PMEL: variants seen among roughly 807,000 people sequenced by gnomAD.
The protein encoded by PMEL is premelanosome protein, also known as melanocyte protein PMEL.
Under a neutral mutation model 64.9 loss-of-function variants are expected in PMEL, and 53 were observed. The ratio of observed to expected loss-of-function variants is 0.82; its 90% confidence interval spans 0.66 to 1.03. The LOEUF (loss-of-function observed/expected upper bound fraction) is 1.03, where lower values mean the gene tolerates loss of function less well. PMEL is among the 50% of genes least tolerant of loss of function. The pLI is 0.00. For missense variants in PMEL, 716 were observed against 814.9 expected, an observed-to-expected ratio of 0.88 and a Z score of 1.48; for synonymous variants, 299 against 316.2, an observed-to-expected ratio of 0.95 and a Z score of 0.58.
intron 3 of PMEL, 49 bp downstream of exon 3, chr12:55,961,268 A>G (rs1889092148): frequency 1.3e-6 from 2 of 1,576,818 alleles, no homozygotes; most frequent in Non-Finnish European, 1.7e-6. Context: ...TGGGCATACC[A>G]GGGAACCTGA....
In PMEL at chr12:55,954,181, C is replaced by G; in HGVS notation, c.*33G>C. 1.3e-6 allele frequency: 2 copies of G among 1,573,528 alleles called. No homozygotes were observed. The highest frequency in any genetic ancestry group is 1.7e-6 in the Non-Finnish European group (2 of 1,161,010). On this transcript the variant is annotated 3_prime_UTR_variant, in exon 11 of 11. Transcript: ENST00000548747. Reference sequence around the variant, plus strand: ...GGGGAAATATAGGTGTTTCTGTCAACTCCAGGAAAATCACAGCATCATATG... The same window carrying G: ...GGGGAAATATAGGTGTTTCTGTCAAGTCCAGGAAAATCACAGCATCATATG...
Position 55,957,895 on chromosome 12 carries a change from C to T in PMEL, c.631+28G>A, listed in dbSNP as rs185754880. On this transcript the variant is annotated intron_variant, in intron 5 of 10. Coordinates refer to ENST00000548747, the MANE Select transcript of PMEL (RefSeq NM_001384361.1). ...CTCCCTGCCTTCTCTTGCCCTACAACTGGCCTTGCCCCTTCCTAAACCCTT... is the reference window on the plus strand; with the variant it reads ...CTCCCTGCCTTCTCTTGCCCTACAATTGGCCTTGCCCCTTCCTAAACCCTT... 4.4e-4 allele frequency: 708 copies of T among 1,612,094 alleles called. 12 individuals carry two copies. The Admixed American group carries it at 0.011, about 26-fold the overall frequency.
intron 3 of PMEL, among the ~76,000 whole-genome samples, chr12:55,960,980 G>A (rs888977889): frequency 1.3e-5 from 2 of 150,554 alleles, no homozygotes; most frequent in African/African-American, 4.9e-5. Context: ...GAGGCGGGCG[G>A]ATCACAAGGT....
rs771107791 is a variant in PMEL at position 55,957,472 on chromosome 12, A to G, written c.831T>C (p.Thr277=). Residue 277 remains threonine, a synonymous_variant, in exon 6 of 11, where the codon ACT becomes ACC. Coordinates refer to ENST00000548747, the MANE Select transcript of PMEL (RefSeq NM_001384361.1). ...CTGGGCCAGGCTCCAGGTAAGTATG[A>G]GTGACCACAAGTGCCCGAGAGATCA... ...GTLISRALVV[T]HTYLEPGPVT... is the part of the protein sequence containing the mutation. 11 of 1,613,850 alleles carry G rather than the reference A, an allele frequency of 6.8e-6. No individual in the cohort carries two copies. The highest frequency in any genetic ancestry group is 8.5e-6 in the Non-Finnish European group (10 of 1,179,982).
chr12:55,959,386 AAAATAAAT>A (rs200660768), intron 3 of PMEL, among the ~76,000 whole-genome samples: 7 of 149,998 alleles, frequency 4.7e-5, no homozygotes, highest in Non-Finnish European at 7.4e-5. Flanking sequence ...CCCCGACTTT[AAAATAAAT>A]AAATAAATAA....
At position 55,955,682 on chromosome 12, in the gene PMEL, T is replaced by C; in HGVS notation, c.1557-13A>G. ...TTCCTTGGGCAGCCTGGAAGAAGTG[T>C]CAGCATATATAAGGGGATCTGGGAA... On this transcript the variant is annotated splice_polypyrimidine_tract_variant and intron_variant, in intron 8 of 10. Transcript: ENST00000548747. 1 of 1,612,148 alleles carries C rather than the reference T, an allele frequency of 6.2e-7. No individual in the cohort carries two copies.
intron 3 of PMEL, 199 bp from the exon 4 acceptor site, chr12:55,958,806 G>C (rs1888995807): frequency 3.6e-6 from 2 of 562,836 alleles, no homozygotes. Flanking sequence ...TTTAGAGACA[G>C]GGTCTTAGTC....
intron 10 of PMEL, 50 bp from the exon 11 acceptor site, chr12:55,954,399 T>G (rs753304664): frequency 1.1e-5 from 18 of 1,603,404 alleles, no homozygotes; most frequent in Non-Finnish European, 1.4e-5. Flanking sequence ...AAAGGTAGCT[T>G]GTCTGTGCTT....
In PMEL at chr12:55,954,285, G is replaced by T. The variant is rs759900864; in HGVS notation, c.1915C>A (p.Arg639Ser). 1.2e-6 allele frequency: 2 copies of T among 1,613,834 alleles called. No individual in the cohort carries two copies. The highest frequency in any genetic ancestry group is 2.7e-5 in the African/African-American group (2 of 75,048). Reference protein sequence around the residue: ...QLPHSSSHWLRLPRIFCSCPI... With the variant: ...QLPHSSSHWLSLPRIFCSCPI... ...CAAGAGCAGAAGATGCGGGGTAGACGCAGCCAGTGACTGCTGCTATGTGGC... is the reference window on the plus strand; with the variant it reads ...CAAGAGCAGAAGATGCGGGGTAGACTCAGCCAGTGACTGCTGCTATGTGGC... The change falls in exon 11 of 11, where the codon CGT becomes AGT. Residue 639 changes from arginine to serine, a missense_variant. Transcript: ENST00000548747.
intron 10 of PMEL, among the ~76,000 whole-genome samples, 191 bp from the exon 11 acceptor site, chr12:55,954,540 C>T (rs546030605): frequency 2.0e-5 from 3 of 152,164 alleles, no homozygotes; most frequent in Non-Finnish European, 4.4e-5. Flanking sequence ...TCCCTCACCC[C>T]GTAAGCTTTC....
intron 8 of PMEL, 46 bp downstream of exon 8, chr12:55,955,733 G>C: frequency 6.2e-7 from 1 of 1,608,902 alleles, no homozygotes; most frequent in East Asian, 2.2e-5. Flanking sequence ...AGAGAGCGGA[G>C]AAACAGTCAA....
intron 3 of PMEL, among the ~76,000 whole-genome samples, chr12:55,959,414 A>G (rs1565775580): frequency 6.7e-6 from 1 of 148,320 alleles, no homozygotes; most frequent in Non-Finnish European, 1.5e-5. Flanking sequence ...AATAAATAAA[A>G]TAAGAAAAAT....
chr12:55,966,069 A>G (rs547503982), upstream of PMEL: 28 of 1,613,352 alleles, frequency 1.7e-5, no homozygotes, highest in South Asian at 3.1e-4. Context: ...GCCCCTATAT[A>G]AGAAAAGGGT....
In PMEL at chr12:55,955,611, G is replaced by T. The variant is rs146965707; in HGVS notation, c.1615C>A (p.Arg539=). 13 of 1,613,794 alleles carry T rather than the reference G, an allele frequency of 8.1e-6. No individual in the cohort carries two copies. Among genetic ancestry groups the T allele is most frequent in the Non-Finnish European group, 1.0e-5 (12 of 1,179,960 alleles). ...SSPGCQPPAQ[R]LCQPVLPSPA... ...CTGGGTAGCACAGGCTGGCACAGCC[G>T]CTGGGCAGGGGGCTGGCACCCTGGC... The change falls in exon 9 of 11, where the codon CGG becomes AGG. Residue 539 remains arginine, a synonymous_variant. Transcript: ENST00000548747.
Position 55,957,505 on chromosome 12 carries a change from A to G in PMEL, c.798T>C (p.Ser266=). The change falls in exon 6 of 11, where the codon AGT becomes AGC. Residue 266 remains serine, a synonymous_variant. Coordinates refer to ENST00000548747, the MANE Select transcript of PMEL (RefSeq NM_001384361.1). ...LSYTWDFGDS[S]GTLISRALVV... is the part of the protein sequence containing the mutation. ...CAAGTGCCCGAGAGATCAGGGTTCC[A>G]CTACTGTCTCCAAAGTCCCAGGTGT... The G allele has an allele frequency of 1.2e-6, 2 of 1,614,032 alleles. No individual in the cohort carries two copies. The highest frequency in any genetic ancestry group is 1.7e-6 in the Non-Finnish European group (2 of 1,180,002).
At chr12:55,960,369 G>A (rs1328211542) in intron 3 of PMEL, among the ~76,000 whole-genome samples, 2 of 151,610 alleles carry the variant, frequency 1.3e-5, no homozygotes, top group Non-Finnish European at 2.9e-5. Flanking sequence ...CCACTTTAGG[G>A]ACTGTAATTT....
rs1465158085 is a variant in PMEL, at chr12:55,958,620, T to C, written c.335-13A>G. On this transcript the variant is annotated splice_polypyrimidine_tract_variant and intron_variant, in intron 3 of 10. Transcript: ENST00000548747. ...CACACCTGGCTCCCTGAAAGATAAA[T>C]ACAGAGTCACTCTCAAACCCTGGCA... 1.4e-5 allele frequency: 23 copies of C among 1,611,694 alleles called. No homozygotes were observed. The highest frequency in any genetic ancestry group is 2.2e-5 in the East Asian group (1 of 44,856).
intron 1 of PMEL, among the ~76,000 whole-genome samples, chr12:55,963,298 CAA>C (rs914785070): frequency 3.9e-5 from 6 of 152,068 alleles, no homozygotes; most frequent in African/African-American, 1.2e-4. Context: ...TGTAACTGAC[CAA>C]GAGAGGTCTG....
In PMEL at chr12:55,958,046, G is replaced by C. The variant is rs545720642; in HGVS notation, c.508C>G (p.Leu170Val). The stretch of plus-strand genomic sequence containing the variant: ...ATTGCCCTGCCTGTCCCAATGCTCA[G>C]CCCAGACACTGGGCCCCCTAGAACT... ...WQVLGGPVSG[L>V]SIGTGRAMLG... Residue 170 changes from leucine to valine, a missense_variant, in exon 5 of 11, where the codon CTG becomes GTG. Coordinates refer to ENST00000548747, the MANE Select transcript of PMEL (RefSeq NM_001384361.1). 4 of 1,614,056 alleles carry C rather than the reference G, an allele frequency of 2.5e-6. No individual in the cohort carries two copies. The highest frequency in any genetic ancestry group is 2.2e-5 in the East Asian group (1 of 44,888).
Sources: allele counts gnomAD v4.1 joint callset (sites outside exome capture counted in the v4.1 genomes callset), GRCh38; gene constraint gnomAD v4.1.1; transcripts MANE v1.5; gene names NCBI Gene and HGNC (gene_info 2026-07-23, HGNC 2026-07-21).